ALDH1L1: variants seen among roughly 807,000 people sequenced by gnomAD.
The protein encoded by ALDH1L1 is cytosolic 10-formyltetrahydrofolate dehydrogenase.
Under a neutral mutation model 101.1 loss-of-function variants are expected in ALDH1L1, and 68 were observed. That is an observed-to-expected ratio of 0.67 (90% CI 0.55 to 0.82). ALDH1L1 has a LOEUF of 0.82. ALDH1L1 is among the 40% of genes least tolerant of loss of function. The pLI, the probability that ALDH1L1 is intolerant of heterozygous loss-of-function variation, is 0.00. For synonymous variants in ALDH1L1, 486 were observed against 470.8 expected (o/e 1.03, Z -0.42); for missense variants, 1,087 against 1,172.7 (o/e 0.93, Z 1.07).
chr3:126,110,144 G>T, intron 19 of ALDH1L1, 35 bp from the exon 20 acceptor site: 1 of 1,609,704 alleles, frequency 6.2e-7, no homozygotes. Flanking sequence ...TGTGGCTTGT[G>T]CTGCCACAGT....
chr3:126,196,416 G>A (rs369370163), intron 1 of ALDH1L1, among the ~76,000 whole-genome samples: 21 of 149,314 alleles, frequency 1.4e-4, no homozygotes, highest in African/African-American at 4.4e-4. Context: ...GGGGTCTCTG[G>A]CACCTCTTAT....
chr3:126,115,085 A>G (rs760158143), intron 17 of ALDH1L1: 25 of 457,254 alleles, frequency 5.5e-5, no homozygotes, highest in Admixed American at 2.4e-5. Context: ...TCTGGGTCCT[A>G]TTACAGCCCC....
At chr3:126,115,272 G>A (rs1448047173) in intron 17 of ALDH1L1, 1 of 358,210 alleles carries the variant, frequency 2.8e-6, no homozygotes, top group Admixed American at 3.6e-5. Context: ...GGCAAGAAAT[G>A]CACTGCAGGG....
chr3:126,179,490 ACTCTGT>A lies in ALDH1L1; in HGVS notation c.-24+980_-24+985del, dbSNP rs1193313600. On this transcript the variant is annotated intron_variant, in intron 1 of 22. Transcript: ENST00000393434. ...ACTCCAGCCTGGGCGACAGAGCGAG[ACTCTGT>A]CTCAAACAAACAAACAAACAAACAG... 7.8e-5 allele frequency among the ~76,000 whole-genome samples: 11 copies of A among 141,276 alleles called. 1 individual carries two copies. The allele number at this position is 141,276 out of a possible 152,430, so 92.7% of individuals were successfully genotyped here. A position where few individuals can be genotyped will look rare whatever the true frequency, so the allele number is the denominator to read the frequency against.
At chr3:126,190,253 G>T (rs556612426) in intron 1 of ALDH1L1, among the ~76,000 whole-genome samples, 1 of 152,330 alleles carries the variant, frequency 6.6e-6, no homozygotes, top group East Asian at 1.9e-4. Context: ...TCATCATGTG[G>T]TAGAAATAAA....
At chr3:126,144,864 A>C in intron 9 of ALDH1L1, among the ~76,000 whole-genome samples, 1 of 152,240 alleles carries the variant, frequency 6.6e-6, no homozygotes, top group Non-Finnish European at 1.5e-5. Context: ...TCAAAGTAAA[A>C]AGCTTCTGCA....
chr3:126,173,051 C>T (rs966144759), intron 1 of ALDH1L1, among the ~76,000 whole-genome samples: 1 of 151,888 alleles, frequency 6.6e-6, no homozygotes, highest in African/African-American at 2.4e-5. Flanking sequence ...ACTTCTCAAA[C>T]AAAAATTGAA....
chr3:126,149,795 T>C (rs2080773026), intron 8 of ALDH1L1, among the ~76,000 whole-genome samples: 1 of 152,122 alleles, frequency 6.6e-6, no homozygotes. Flanking sequence ...GGCCTTGCCA[T>C]TTGCTGTTCC....
intron 8 of ALDH1L1, among the ~76,000 whole-genome samples, chr3:126,148,491 T>C (rs551898226): frequency 6.6e-6 from 1 of 152,150 alleles, no homozygotes; most frequent in Non-Finnish European, 1.5e-5. Flanking sequence ...GTTTTGGCCA[T>C]GTCCCCTCTA....
At chr3:126,128,625 A>G (rs10934746) in intron 14 of ALDH1L1, 96,479 of 152,248 alleles carry the variant, frequency 0.63, 30,676 homozygotes, top group Middle Eastern at 0.72. Flanking sequence ...CACCAGGTGC[A>G]TGGTCAGCAG....
chr3:126,155,736 G>C, intron 4 of ALDH1L1: 2 of 445,580 alleles, frequency 4.5e-6, no homozygotes, highest in South Asian at 8.0e-5. Flanking sequence ...AGATTACATA[G>C]ATCTTACATC....
chr3:126,189,938 A>C (rs1349612711), intron 1 of ALDH1L1, among the ~76,000 whole-genome samples: 1 of 152,178 alleles, frequency 6.6e-6, no homozygotes, highest in Non-Finnish European at 1.5e-5. Flanking sequence ...TTGTTCTTTC[A>C]ACTTTTCTAG....
rs1374024407 is a variant in ALDH1L1 at position 126,161,062 on chromosome 3, T to C, written c.-23-60A>G. ...TCGCTGGTCTCAGAGAAGCCAGCCC[T>C]GGTTCAAGACAGGGCAGTTCATGGC... On this transcript the variant is annotated intron_variant, in intron 1 of 22. Transcript: ENST00000393434. 4 of 1,573,950 alleles carry C rather than the reference T, an allele frequency of 2.5e-6. No homozygotes were observed. In the African/African-American group the frequency reaches 5.4e-5, roughly 21 times the overall value.
At chr3:126,179,208 G>A (rs1041976681) in intron 1 of ALDH1L1, among the ~76,000 whole-genome samples, 1 of 152,236 alleles carries the variant, frequency 6.6e-6, no homozygotes, top group African/African-American at 2.4e-5. Context: ...TTCACTTGGT[G>A]GTGTGGGGAC....
chr3:126,180,692 C>T (rs1018042579), upstream of ALDH1L1: 2 of 1,381,828 alleles, frequency 1.4e-6, no homozygotes, highest in Admixed American at 3.0e-5. Flanking sequence ...GGTGGTGGGA[C>T]TATGGCGGGA....
intron 6 of ALDH1L1, 151 bp from the exon 7 acceptor site, chr3:126,153,732 G>GC (rs996244777): frequency 9.7e-7 from 1 of 1,034,238 alleles, no homozygotes; most frequent in Admixed American, 2.9e-5. Flanking sequence ...GACCCCTGAG[G>GC]CCCTTTCTCC....
At chr3:126,164,211 G>T (rs1038172934) in intron 1 of ALDH1L1, among the ~76,000 whole-genome samples, 2 of 152,096 alleles carry the variant, frequency 1.3e-5, no homozygotes, top group African/African-American at 2.4e-5. Flanking sequence ...ATATTGATGT[G>T]TCAAATACTT....
At chr3:126,143,945 A>G (rs2080620819) in intron 9 of ALDH1L1, among the ~76,000 whole-genome samples, 1 of 152,192 alleles carries the variant, frequency 6.6e-6, no homozygotes, top group Admixed American at 6.5e-5. Flanking sequence ...ATGTCTAAAA[A>G]ACAGAAAAAG....
chr3:126,177,282 A>G (rs1037210389), intron 1 of ALDH1L1, among the ~76,000 whole-genome samples: 1 of 152,254 alleles, frequency 6.6e-6, no homozygotes, highest in Admixed American at 6.5e-5. Flanking sequence ...TTCACTGCTA[A>G]AACTTGGAAG....
Sources: gnomAD v4.1 joint callset for allele counts (sites outside exome capture counted in the v4.1 genomes callset) on GRCh38, gnomAD v4.1.1 for gene constraint, MANE v1.5 for transcripts, NCBI Gene and HGNC (gene_info 2026-07-23, HGNC 2026-07-21) for gene names.